PTPN3: variants seen among roughly 807,000 people sequenced by gnomAD.
The protein encoded by PTPN3 is protein tyrosine phosphatase non-receptor type 3.
In PTPN3, 96 loss-of-function variants were observed where a neutral mutation model predicts 132.7. The ratio of observed to expected loss-of-function variants is 0.72; its 90% CI spans 0.61 to 0.86. PTPN3 has a LOEUF of 0.86. Among genes scored for constraint, PTPN3 ranks in the 40% least tolerant of loss-of-function variants. The probability of loss-of-function intolerance (pLI) is 0.00; values close to 1 mark genes in which losing one functional copy is unlikely to be tolerated. For synonymous variants in PTPN3, 398 were observed against 429.0 expected (o/e 0.93, Z 0.89); for missense variants, 1,125 against 1,159.6 (o/e 0.97, Z 0.43).
At chr9:109,517,457 C>G in the PTPN3 span, among the ~76,000 whole-genome samples, 1 of 152,136 alleles carries the variant, frequency 6.6e-6, no homozygotes, top group African/African-American at 2.4e-5. Context: ...GATCCTCTAA[C>G]GGTACCCACT....
Position 109,420,491 on chromosome 9 carries a change from A to G in PTPN3, c.1246T>C (p.Tyr416His), listed in dbSNP as rs1427412162. 6.2e-7 allele frequency: 1 copy of G among 1,613,712 alleles called. No individual in the cohort carries two copies. The highest frequency in any genetic ancestry group is 8.5e-7 in the Non-Finnish European group (1 of 1,179,902). Residue 416 changes from tyrosine (Y) to histidine (H), a missense_variant, in exon 14 of 26, where the codon TAC (tyrosine) becomes CAC (histidine). By Grantham distance (83) the Tyr-to-His change is moderately conservative (BLOSUM62 2). Transcript: ENST00000374541. The part of the protein sequence containing the change: ...ITETEDVFYT[Y>H]KGSLAPQDSD... ...TCTTGAGGGGCCAGAGAGCCCTTGTACGTGTAAAATACATCTTCCGTTTCC... is the reference window on the plus strand; with the variant it reads ...TCTTGAGGGGCCAGAGAGCCCTTGTGCGTGTAAAATACATCTTCCGTTTCC...
At chr9:109,438,088 A>G (rs1263629672) in intron 8 of PTPN3, 26 bp downstream of exon 8, 18 of 1,601,870 alleles carry the variant, frequency 1.1e-5, no homozygotes, top group African/African-American at 4.0e-5. Flanking sequence ...CAAGTCCCCA[A>G]AGTAGGCCAC....
chr9:109,465,074 C>T (rs181349069), intron 1 of PTPN3, among the ~76,000 whole-genome samples: 73 of 152,270 alleles, frequency 4.8e-4, no homozygotes, highest in Non-Finnish European at 6.9e-4. Flanking sequence ...GTTTTAATAA[C>T]AAGTTTACTT....
At chr9:109,501,575 A>G (rs1470651160), upstream of PTPN3, among the ~76,000 whole-genome samples, 1 of 152,228 alleles carries the variant, frequency 6.6e-6, no homozygotes, top group Non-Finnish European at 1.5e-5. Context: ...CTGGAGTGAC[A>G]TAAGGTTATT....
chr9:109,391,491 C>A lies in PTPN3; in HGVS notation c.2024G>T (p.Arg675Leu), dbSNP rs763280816. The change falls in exon 20 of 26, where the codon CGA becomes CTA. Residue 675 changes from arginine (R) to leucine (L), a missense_variant. Coordinates refer to ENST00000374541, the MANE Select transcript of PTPN3 (RefSeq NM_002829.4). The part of the protein sequence containing the change: ...AKLPQNLDKN[R>L]YKDVLPYDTT... ...CTCACAAGGCAGCACATCTTTATAT[C>A]GGTTTTTGTCCAAATTTTGAGGCAG... The A allele has an allele frequency of 3.7e-6, 6 of 1,613,452 alleles. No individual in the cohort carries two copies. Among genetic ancestry groups the A allele is most frequent in the Non-Finnish European group, 5.1e-6 (6 of 1,179,540 alleles).
intron 2 of PTPN3, among the ~76,000 whole-genome samples, chr9:109,458,918 T>C (rs549651986): frequency 7.9e-5 from 12 of 152,390 alleles, no homozygotes; most frequent in Admixed American, 7.2e-4. Flanking sequence ...GTGCTTTTTA[T>C]ATATGATCTC....
At chr9:109,479,631 C>T (rs1270164983) in intron 1 of PTPN3, among the ~76,000 whole-genome samples, 1 of 152,116 alleles carries the variant, frequency 6.6e-6, no homozygotes, top group Non-Finnish European at 1.5e-5. Context: ...GGCTGGAGTG[C>T]AAAGGCACCA....
intron 8 of PTPN3, 148 bp downstream of exon 8, chr9:109,437,966 C>T: frequency 1.1e-6 from 1 of 940,922 alleles, no homozygotes; most frequent in Non-Finnish European, 1.5e-6. Flanking sequence ...ATATCTGCCA[C>T]CATACCAGCT....
chr9:109,461,486 A>G (rs1845841741), intron 2 of PTPN3, among the ~76,000 whole-genome samples: 2 of 152,230 alleles, frequency 1.3e-5, no homozygotes, highest in Non-Finnish European at 2.9e-5. Context: ...CAGGCATGGT[A>G]GCTCATGCTT....
Position 109,454,533 on chromosome 9 carries a change from T to C in PTPN3, c.331A>G (p.Ile111Val), listed in dbSNP as rs2132021439. 1 of 1,613,558 alleles carries C rather than the reference T, an allele frequency of 6.2e-7. No homozygotes were observed. Among genetic ancestry groups the C allele is most frequent in the Non-Finnish European group, 8.5e-7 (1 of 1,179,908 alleles). The stretch of plus-strand genomic sequence containing the variant: ...TGCTGCAGTGTGTTGGGATCAGGTA[T>C]AAAAAATCTTACTCGAAAATGCAGG... The part of the protein sequence containing the change: ...CTLHFRVRFF[I>V]PDPNTLQQEQ... The change falls in exon 5 of 26, where the codon ATA (isoleucine) becomes GTA (valine). Residue 111 changes from isoleucine (I) to valine (V), a missense_variant. Ile to Val is a conservative substitution (Grantham distance 29). Coordinates refer to ENST00000374541, the MANE Select transcript of PTPN3 (RefSeq NM_002829.4).
At chr9:109,391,740 T>C (rs533041177) in intron 19 of PTPN3, among the ~76,000 whole-genome samples, 179 bp from the exon 20 acceptor site, 135 of 97,020 alleles carry the variant, frequency 1.4e-3, no homozygotes, top group African/African-American at 6.2e-3. Flanking sequence ...CTGACTAAAC[T>C]CTTTAATAAT....
At chr9:109,381,878 C>T (rs1158056645) in intron 24 of PTPN3, 91 bp from the exon 25 acceptor site, 4 of 1,474,380 alleles carry the variant, frequency 2.7e-6, no homozygotes, top group African/African-American at 1.4e-5. Context: ...TCCAAAGGGG[C>T]TTTCCTCCCT....
At chr9:109,438,943 A>C (rs1360205917) in intron 7 of PTPN3, among the ~76,000 whole-genome samples, 4 of 152,210 alleles carry the variant, frequency 2.6e-5, no homozygotes, top group Non-Finnish European at 5.9e-5. Flanking sequence ...GGGGAATCAC[A>C]TTAGGGACCT....
intron 11 of PTPN3, among the ~76,000 whole-genome samples, chr9:109,427,478 C>T (rs924958578): frequency 3.3e-5 from 5 of 152,184 alleles, no homozygotes; most frequent in African/African-American, 1.2e-4. Context: ...ACATCTCTCT[C>T]CTGAAGGAAT....
In PTPN3 at chr9:109,433,094, A is replaced by G. The variant is rs752503078; in HGVS notation, c.743T>C (p.Ile248Thr). 6.2e-7 allele frequency: 1 copy of G among 1,614,152 alleles called. No individual in the cohort carries two copies. Among genetic ancestry groups the G allele is most frequent in the East Asian group, 2.2e-5 (1 of 44,878 alleles). ...TTACCAAGGATAGAAACTTGTGCAA[A>G]TGTATTTTCGGTACACAGCAACACC... ...SAGVAVYRKY[I>T]CTSFYPWVNI... The change falls in exon 10 of 26, where the codon ATT becomes ACT. Residue 248 changes from isoleucine to threonine, a missense_variant. Ile to Thr is a moderately conservative substitution (Grantham distance 89). Coordinates refer to ENST00000374541, the MANE Select transcript of PTPN3 (RefSeq NM_002829.4).
the PTPN3 span, among the ~76,000 whole-genome samples, chr9:109,538,015 T>C: frequency 6.6e-6 from 1 of 152,240 alleles, no homozygotes; most frequent in Non-Finnish European, 1.5e-5. Flanking sequence ...TTGTGAGACT[T>C]CCTAAAATTC....
chr9:109,475,796 T>C (rs1299549456), intron 1 of PTPN3, among the ~76,000 whole-genome samples: 6 of 152,150 alleles, frequency 3.9e-5, no homozygotes, highest in South Asian at 2.1e-4. Context: ...CTAATCACAG[T>C]GCATACCAGC....
the PTPN3 span, among the ~76,000 whole-genome samples, chr9:109,504,350 G>A: frequency 6.6e-6 from 1 of 152,172 alleles, no homozygotes; most frequent in Admixed American, 6.5e-5. Flanking sequence ...TGGACAGGGA[G>A]CCAAGCCAAC....
At chr9:109,472,685 C>T (rs1588483440) in intron 1 of PTPN3, among the ~76,000 whole-genome samples, 1 of 152,186 alleles carries the variant, frequency 6.6e-6, no homozygotes, top group African/African-American at 2.4e-5. Flanking sequence ...ATCAACACTA[C>T]CTTCTGCCAT....
Sources: gnomAD v4.1 joint callset for allele counts (sites outside exome capture counted in the v4.1 genomes callset) on GRCh38, gnomAD v4.1.1 for gene constraint, MANE v1.5 for transcripts, NCBI Gene and HGNC (gene_info 2026-07-23, HGNC 2026-07-21) for gene names.